The following PCMT1 variants were observed in gnomAD, a reference collection of about 807,000 sequenced individuals.
PCMT1 encodes the protein protein-L-isoaspartate(D-aspartate) O-methyltransferase.
PCMT1 carries 9 observed loss-of-function variants against 29.2 expected under a neutral mutation model. The ratio of observed to expected loss-of-function variants is 0.31; its 90% CI spans 0.19 to 0.54. PCMT1 has a LOEUF of 0.54. PCMT1 is among the 20% of genes least tolerant of loss of function. The probability of loss-of-function intolerance (pLI) is 0.95; values close to 1 mark genes in which losing one functional copy is unlikely to be tolerated. For missense variants in PCMT1, 184 were observed against 282.2 expected (o/e 0.65, Z 2.49); for synonymous variants, 98 against 97.5 (o/e 1.00, Z -0.03).
intron 3 of PCMT1, among the ~76,000 whole-genome samples, chr6:149,788,247 TTACA>T (rs1313854898): frequency 6.6e-6 from 1 of 152,196 alleles, no homozygotes; most frequent in Non-Finnish European, 1.5e-5. Flanking sequence ...GGACATTCTC[TTACA>T]TACCCATAGT....
chr6:149,792,473 T>A (rs1788410888), intron 4 of PCMT1, among the ~76,000 whole-genome samples: 1 of 152,204 alleles, frequency 6.6e-6, no homozygotes, highest in African/African-American at 2.4e-5. Flanking sequence ...ATATTTTAAT[T>A]TACAAATAAA....
chr6:149,769,426 G>A lies in PCMT1; in HGVS notation c.56-1736G>A, dbSNP rs561127128. On this transcript the variant is annotated intron_variant, in intron 1 of 7. Transcript: ENST00000464889. ...GCCTCCGGGTTCAAGCAGTTCTCCC[G>A]TCTCAGCCTCCTGAGTAGCTGGGAT... is the stretch of plus-strand genomic sequence containing the variant. Among the ~76,000 whole-genome samples, 36 of 147,738 alleles carry A rather than the reference G, an allele frequency of 2.4e-4. 1 individual carries two copies. The highest frequency in any genetic ancestry group is 1.0e-3 in the Admixed American group (15 of 14,436).
intron 3 of PCMT1, among the ~76,000 whole-genome samples, chr6:149,781,756 A>G (rs1787826491): frequency 6.6e-6 from 1 of 152,232 alleles, no homozygotes; most frequent in Non-Finnish European, 1.5e-5. Context: ...TACACATAAC[A>G]TAAAATTTAC....
intron 1 of PCMT1, among the ~76,000 whole-genome samples, chr6:149,761,254 GTGA>G (rs1325540653): frequency 1.3e-4 from 15 of 115,936 alleles, no homozygotes; most frequent in Admixed American, 7.9e-4. Context: ...AATTGTAAGG[GTGA>G]TGTGTGTGTG....
At position 149,749,752 on chromosome 6, in the gene PCMT1, AGCG is replaced by A; in HGVS notation, c.-143_-141del. ...GATGCCGGGAGCGCGCAGTGGCGGC[AGCG>A]GCGGCGACGGCAGTAACAGCGGCAG... On this transcript the variant is annotated 5_prime_UTR_variant, in exon 1 of 8. Transcript: ENST00000464889. 6.5e-7 allele frequency: 1 copy of A among 1,546,048 alleles called. No homozygotes were observed. Among genetic ancestry groups the A allele is most frequent in the South Asian group, 1.2e-5 (1 of 83,874 alleles).
intron 3 of PCMT1, among the ~76,000 whole-genome samples, chr6:149,785,936 C>T (rs1488464667): frequency 7.3e-5 from 11 of 151,480 alleles, no homozygotes; most frequent in African/African-American, 2.4e-4. Flanking sequence ...ACCTCCCAGA[C>T]GGGGTGGTGG....
intron 3 of PCMT1, among the ~76,000 whole-genome samples, chr6:149,773,803 T>C (rs1308161934): frequency 6.6e-6 from 1 of 152,212 alleles, no homozygotes; most frequent in African/African-American, 2.4e-5. Flanking sequence ...GGAGATAATA[T>C]TTTAAATAGT....
intron 7 of PCMT1, among the ~76,000 whole-genome samples, chr6:149,805,365 G>A (rs1583062764): frequency 1.3e-5 from 2 of 152,002 alleles, no homozygotes; most frequent in African/African-American, 4.8e-5. Flanking sequence ...AGGCCAAGGC[G>A]GGCAGATCAC....
At chr6:149,768,916 C>T (rs976557945) in intron 1 of PCMT1, among the ~76,000 whole-genome samples, 8 of 152,106 alleles carry the variant, frequency 5.3e-5, no homozygotes, top group East Asian at 1.9e-4. Context: ...CGTTAGCCAC[C>T]GCGCCAGCCT....
At chr6:149,775,557 A>G (rs1486431484) in intron 3 of PCMT1, among the ~76,000 whole-genome samples, 1 of 152,000 alleles carries the variant, frequency 6.6e-6, no homozygotes, top group Non-Finnish European at 1.5e-5. Context: ...AATTTTAAAA[A>G]TTAGTTGGGT....
chr6:149,763,396 T>C (rs901835041), intron 1 of PCMT1, among the ~76,000 whole-genome samples: 1 of 151,248 alleles, frequency 6.6e-6, no homozygotes, highest in Non-Finnish European at 1.5e-5. Context: ...TTTTAGAACA[T>C]GGGATCCTGG....
intron 6 of PCMT1, chr6:149,799,159 T>G (rs1203794473): frequency 1.3e-5 from 2 of 151,758 alleles, no homozygotes; most frequent in African/African-American, 4.8e-5. Flanking sequence ...CAAAAAAATT[T>G]TAAAATTAGC....
intron 5 of PCMT1, chr6:149,795,401 G>T: frequency 2.5e-6 from 1 of 406,614 alleles, no homozygotes. Flanking sequence ...GATGGTGTTT[G>T]TATTTGAGAA....
At chr6:149,800,835 A>G (rs1279810340) in intron 6 of PCMT1, among the ~76,000 whole-genome samples, 2 of 152,120 alleles carry the variant, frequency 1.3e-5, no homozygotes, top group African/African-American at 4.8e-5. Context: ...CCTTCCTTCA[A>G]ACCCACAAAG....
intron 1 of PCMT1, among the ~76,000 whole-genome samples, chr6:149,759,832 C>T (rs1039739585): frequency 6.6e-6 from 1 of 152,152 alleles, no homozygotes; most frequent in African/African-American, 2.4e-5. Context: ...TATACCAACA[C>T]AGGCCCTCTT....
intron 3 of PCMT1, among the ~76,000 whole-genome samples, chr6:149,787,493 G>C (rs1009678196): frequency 1.3e-5 from 2 of 151,674 alleles, no homozygotes; most frequent in African/African-American, 4.8e-5. Context: ...CAGCTTCCCA[G>C]TAGCTGGGAT....
rs558259573 is a variant in PCMT1, at chr6:149,788,084, A to T, written c.193-1870A>T. ...AGGCGCCCACCACCACGCCCAGCTA[A>T]TTTTTTGTATTTTTAGTAGAGATGG... On this transcript the variant is annotated intron_variant, in intron 3 of 7. Transcript: ENST00000464889. 1.1e-4 allele frequency among the ~76,000 whole-genome samples: 16 copies of T among 151,928 alleles called. No homozygotes were observed. The East Asian group carries it at 3.1e-3, about 30-fold the overall frequency.
At chr6:149,794,031 G>A (rs1297499302) in intron 5 of PCMT1, among the ~76,000 whole-genome samples, 1 of 152,094 alleles carries the variant, frequency 6.6e-6, no homozygotes, top group Non-Finnish European at 1.5e-5. Flanking sequence ...CCCATCTGAG[G>A]TGTGCCTTTT....
chr6:149,797,401 A>C (rs886950986), intron 6 of PCMT1: 5 of 152,208 alleles, frequency 3.3e-5, no homozygotes, highest in African/African-American at 1.2e-4. Flanking sequence ...AGTAGGATAT[A>C]TGGCCGGGCA....
Sources: gnomAD v4.1 joint callset for allele counts (sites outside exome capture counted in the v4.1 genomes callset) on GRCh38, gnomAD v4.1.1 for gene constraint, MANE v1.5 for transcripts, NCBI Gene and HGNC (gene_info 2026-07-23, HGNC 2026-07-21) for gene names.